The following RUFY2 variants were observed in gnomAD, a reference collection of about 807,000 sequenced individuals.
RUFY2 encodes the protein RUN and FYVE domain containing 2.
In RUFY2, 49 loss-of-function variants were observed where a neutral mutation model predicts 94.4. That is an observed-to-expected ratio of 0.52 (90% CI 0.41 to 0.66). The LOEUF is 0.66. Among genes scored for constraint, RUFY2 ranks in the 30% least tolerant of loss-of-function variants. The pLI is 0.00. For synonymous variants in RUFY2, 255 were observed against 235.7 expected (o/e 1.08, Z -0.75); for missense variants, 541 against 692.8 (o/e 0.78, Z 2.46).
At chr10:68,362,902 A>T (rs984534081) in intron 15 of RUFY2, among the ~76,000 whole-genome samples, 4 of 152,184 alleles carry the variant, frequency 2.6e-5, no homozygotes, top group Non-Finnish European at 4.4e-5. Context: ...CCCTGTCTCC[A>T]GGAGGCATGA....
chr10:68,384,094 C>A lies in RUFY2; in HGVS notation c.779G>T (p.Ser260Ile), dbSNP rs778982720. The A allele has an allele frequency of 6.2e-7, 1 of 1,612,804 alleles. No homozygotes were observed. The highest frequency in any genetic ancestry group is 8.5e-7 in the Non-Finnish European group (1 of 1,179,860). ...TTTCATTAAAATCAATTTATTTTCACTTCGTAATTGATGATTTTCTTCCTG... is the reference window on the plus strand; with the variant it reads ...TTTCATTAAAATCAATTTATTTTCAATTCGTAATTGATGATTTTCTTCCTG... ...KLQEENHQLR[S>I]ENKLILMKTQ... The change falls in exon 9 of 18, where the codon AGT becomes ATT. Residue 260 changes from serine to isoleucine, a missense_variant. By Grantham distance (142) the Ser-to-Ile change is moderately radical. Around this residue, in one of 3 missense-constraint regions of RUFY2, gnomAD observed 403 missense variants for 480.7 expected, o/e 0.84. Coordinates refer to ENST00000602465, the MANE Select transcript of RUFY2 (RefSeq NM_001330103.2).
At chr10:68,370,609 G>A (rs1001212605) in intron 13 of RUFY2, among the ~76,000 whole-genome samples, 2 of 151,840 alleles carry the variant, frequency 1.3e-5, no homozygotes, top group East Asian at 3.9e-4. Flanking sequence ...TAGGGCACAT[G>A]CCACTGCCCT....
chr10:68,354,727 TAAA>T (rs1443620908), intron 16 of RUFY2, among the ~76,000 whole-genome samples: 1 of 152,128 alleles, frequency 6.6e-6, no homozygotes, highest in Non-Finnish European at 1.5e-5. Context: ...TTGCTGAAAG[TAAA>T]AGAACTAGTA....
intron 13 of RUFY2, among the ~76,000 whole-genome samples, chr10:68,368,829 A>G (rs2048048503): frequency 6.6e-6 from 1 of 152,184 alleles, no homozygotes; most frequent in Non-Finnish European, 1.5e-5. Context: ...TTAAATACTA[A>G]TGGGCATAGA....
chr10:68,390,418 A>G (rs2049886741), intron 7 of RUFY2, among the ~76,000 whole-genome samples: 1 of 152,210 alleles, frequency 6.6e-6, no homozygotes, highest in Admixed American at 6.5e-5. Context: ...TAATTATTAA[A>G]TGTGATTAAT....
intron 10 of RUFY2, 97 bp from the exon 11 acceptor site, chr10:68,381,496 C>T: frequency 9.1e-7 from 1 of 1,104,308 alleles, no homozygotes; most frequent in African/African-American, 1.6e-5. Context: ...GCAGACTACA[C>T]CTTTTAAGTC....
chr10:68,406,936 G>T, intron 1 of RUFY2: 1 of 1,555,152 alleles, frequency 6.4e-7, no homozygotes, highest in Non-Finnish European at 8.7e-7. Flanking sequence ...GGACGCCGTG[G>T]CACCTCGAGC....
intron 16 of RUFY2, among the ~76,000 whole-genome samples, chr10:68,354,876 T>C (rs1485393781): frequency 6.6e-6 from 1 of 150,604 alleles, no homozygotes; most frequent in African/African-American, 2.4e-5. Flanking sequence ...AGAAAGAGTC[T>C]CGCTCTGTTG....
chr10:68,393,273 A>T (rs939105068), intron 6 of RUFY2, 70 bp from the exon 7 acceptor site: 22 of 717,234 alleles, frequency 3.1e-5, no homozygotes, highest in Non-Finnish European at 5.0e-5. Flanking sequence ...AATCTAAATC[A>T]TCTAAAATTA....
chr10:68,394,639 T>C (rs1421422990), intron 4 of RUFY2, among the ~76,000 whole-genome samples, 188 bp from the exon 5 acceptor site: 1 of 151,784 alleles, frequency 6.6e-6, no homozygotes, highest in African/African-American at 2.4e-5. Flanking sequence ...TTATTAATTT[T>C]TTTTTTTTGA....
intron 13 of RUFY2, among the ~76,000 whole-genome samples, chr10:68,365,900 C>G (rs2047775533): frequency 6.6e-6 from 1 of 152,040 alleles, no homozygotes; most frequent in East Asian, 1.9e-4. Context: ...ACACAGTACC[C>G]TGTTGAATGG....
chr10:68,354,196 G>A (rs2046891355), intron 16 of RUFY2, among the ~76,000 whole-genome samples: 3 of 152,098 alleles, frequency 2.0e-5, no homozygotes, highest in South Asian at 4.2e-4. Flanking sequence ...TGATTTTCAT[G>A]TAACACTTTT....
chr10:68,397,676 G>C (rs1034019754), intron 3 of RUFY2, among the ~76,000 whole-genome samples: 2 of 152,046 alleles, frequency 1.3e-5, no homozygotes, highest in Non-Finnish European at 2.9e-5. Flanking sequence ...CTACTCAGGA[G>C]GCTGAGACAG....
chr10:68,380,907 T>C (rs916705957), intron 11 of RUFY2, among the ~76,000 whole-genome samples: 1 of 152,124 alleles, frequency 6.6e-6, no homozygotes, highest in African/African-American at 2.4e-5. Context: ...TAGTGTAGCA[T>C]TTCAATCAAA....
chr10:68,394,210 C>T, intron 5 of RUFY2, 74 bp from the exon 6 acceptor site: 1 of 1,532,906 alleles, frequency 6.5e-7, no homozygotes, highest in Middle Eastern at 1.7e-4. Context: ...CTGAATGTTA[C>T]TCTTAATATT....
At chr10:68,380,768 A>G (rs2049000992) in intron 11 of RUFY2, among the ~76,000 whole-genome samples, 1 of 152,140 alleles carries the variant, frequency 6.6e-6, no homozygotes, top group Admixed American at 6.5e-5. Flanking sequence ...AGGCTGAGGC[A>G]GGAGAATCGC....
chr10:68,389,598 A>G (rs1273035454), intron 7 of RUFY2, among the ~76,000 whole-genome samples: 1 of 151,908 alleles, frequency 6.6e-6, no homozygotes, highest in African/African-American at 2.4e-5. Context: ...TCGAAAAAAA[A>G]AAAGAAAATT....
At chr10:68,357,011 A>G (rs935186192) in intron 15 of RUFY2, among the ~76,000 whole-genome samples, 2 of 151,350 alleles carry the variant, frequency 1.3e-5, no homozygotes, top group African/African-American at 4.8e-5. Context: ...TAAAAATACC[A>G]AAAAAATTAG....
intron 4 of RUFY2, among the ~76,000 whole-genome samples, chr10:68,394,790 C>T (rs1015062468): frequency 1.3e-5 from 2 of 151,576 alleles, no homozygotes; most frequent in South Asian, 2.1e-4. Context: ...CCACCGCACC[C>T]GGCTAATTTT....
Sources: allele counts gnomAD v4.1 joint callset (sites outside exome capture counted in the v4.1 genomes callset), GRCh38; gene constraint gnomAD v4.1.1; regional missense constraint gnomAD v4.1.1; transcripts MANE v1.5; gene names NCBI Gene and HGNC (gene_info 2026-07-23, HGNC 2026-07-21).